IGFLR1: variants seen among roughly 807,000 people sequenced by gnomAD.
The protein encoded by IGFLR1 is IGF like family receptor 1.
In IGFLR1, 17 loss-of-function variants were observed where a neutral mutation model predicts 23.4. The ratio of observed to expected loss-of-function variants is 0.73; its 90% CI spans 0.50 to 1.09. The LOEUF (loss-of-function observed/expected upper bound fraction) is 1.09. Among genes scored for constraint, IGFLR1 ranks in the 50% least tolerant of loss-of-function variants. The pLI is 0.00. For missense variants in IGFLR1, 556 were observed against 459.2 expected, an observed-to-expected ratio of 1.21 and a Z score of -1.93; for synonymous variants, 265 against 210.7, an observed-to-expected ratio of 1.26 and a Z score of -2.23.
rs771727028 is a variant in IGFLR1, at chr19:35,739,466, G to A, written c.882C>T (p.Ala294=). 1 of 1,613,980 alleles carries A rather than the reference G, an allele frequency of 6.2e-7. No individual in the cohort carries two copies. Among genetic ancestry groups the A allele is most frequent in the Non-Finnish European group, 8.5e-7 (1 of 1,179,986 alleles). ...TCAGCGAATAGGCAAAGGTGGACCA[G>A]GCAGCAGGCAGCCCATATCTTGCGG... ...HLAARYGLPA[A]WSTFAYSLRP... The change falls in exon 5 of 5, where the codon GCC becomes GCT. Residue 294 remains alanine, a synonymous_variant. Transcript: ENST00000246532.
At position 35,739,397 on chromosome 19, in the gene IGFLR1, C is replaced by T. The variant is rs749681107; in HGVS notation, c.951G>A (p.Val317=). ...SPLRALIEMV[V]AREPSASLGQ... ...CCAGGGAGGCAGAGGGCTCCCTTGC[C>T]ACCACCATCTCAATCAGAGCCCGCA... The change falls in exon 5 of 5, where the codon GTG becomes GTA. Residue 317 remains valine (V), a synonymous_variant. Coordinates refer to ENST00000246532, the MANE Select transcript of IGFLR1 (RefSeq NM_024660.4). The T allele has an allele frequency of 6.2e-7, 1 of 1,613,580 alleles. No homozygotes were observed. The highest frequency in any genetic ancestry group is 8.5e-7 in the Non-Finnish European group (1 of 1,179,906).
rs1253807972 is a variant in IGFLR1 at position 35,739,741 on chromosome 19, C to T, written c.690G>A (p.Lys230=). 6.4e-7 allele frequency: 1 copy of T among 1,552,128 alleles called. No individual in the cohort carries two copies. The highest frequency in any genetic ancestry group is 8.7e-7 in the Non-Finnish European group (1 of 1,146,462). ...TCAGGAGTGGAAGTAGTGAGGCCTC[C>T]TTCCATGTGTCCCCTGTCTCCAGGG... ...PGALETGDTW[K]EASLLPLLSR... is the part of the protein sequence containing the mutation. Residue 230 remains lysine (K), a synonymous_variant, in exon 4 of 5, where the codon AAG becomes AAA. Coordinates refer to ENST00000246532, the MANE Select transcript of IGFLR1 (RefSeq NM_024660.4).
rs766837697 is a variant in IGFLR1 at position 35,740,433 on chromosome 19, C to T, written c.289G>A (p.Val97Met). Residue 97 changes from valine (V) to methionine (M), a missense_variant, in exon 3 of 5, where the codon GTG becomes ATG. Physicochemically the swap from Val to Met is conservative, Grantham distance 21. Transcript: ENST00000246532. ...CCGCCCGCGGCGGGAGTAGGGGTCA[C>T]GGCTCCGCCGCCGCAGGGGCTACAT... Reference protein sequence around the residue: ...ELCSPCGGGAVTPTPAAGGGR... With the variant: ...ELCSPCGGGAMTPTPAAGGGR... The T allele has an allele frequency of 1.9e-6, 3 of 1,611,212 alleles. No individual in the cohort carries two copies. In the African/African-American group the frequency reaches 4.0e-5, roughly 22 times the overall value.
In IGFLR1 at chr19:35,739,852, T is replaced by A. The variant is rs1003632561; in HGVS notation, c.579A>T (p.Lys193Asn). ...AGCCAGGATAGGGATAGGGGTCGGC[T>A]TTCTCCTTGGGCCAGCAGAGATGCC... is the stretch of plus-strand genomic sequence containing the variant. ...LLWHLCWPKE[K>N]ADPYPYPGLV... Residue 193 changes from lysine to asparagine, a missense_variant, in exon 4 of 5, where the codon AAA becomes AAT. Transcript: ENST00000246532. The A allele has an allele frequency of 1.9e-6, 3 of 1,612,794 alleles. No homozygotes were observed. The highest frequency in any genetic ancestry group is 2.5e-6 in the Non-Finnish European group (3 of 1,179,040).
rs1021922471 is a variant in IGFLR1 at position 35,739,575 on chromosome 19, T to G, written c.773A>C (p.Glu258Ala). 1 of 1,613,846 alleles carries G rather than the reference T, an allele frequency of 6.2e-7. No individual in the cohort carries two copies. Among genetic ancestry groups the G allele is most frequent in the Non-Finnish European group, 8.5e-7 (1 of 1,179,882 alleles). ...QPLSRLLDELEVLEELIVLLD... is the reference protein window; with the variant it reads ...QPLSRLLDELAVLEELIVLLD... ...CAGTACAATCAGCTCTTCCAGCACCTCCAGCTCATCCAGGAGGCGAGACAG... is the reference window on the plus strand; with the variant it reads ...CAGTACAATCAGCTCTTCCAGCACCGCCAGCTCATCCAGGAGGCGAGACAG... Residue 258 changes from glutamate to alanine, a missense_variant, in exon 5 of 5, where the codon GAG becomes GCG. Transcript: ENST00000246532.
Position 35,739,416 on chromosome 19 carries a change from G to A in IGFLR1, c.932C>T (p.Ala311Val), listed in dbSNP as rs1420911325. The change falls in exon 5 of 5, where the codon GCT becomes GTT. Residue 311 changes from alanine to valine, a missense_variant. Transcript: ENST00000246532. ...SLRPSRSPLR[A>V]LIEMVVAREP... ...CCTTGCCACCACCATCTCAATCAGA[G>A]CCCGCAGCGGCGAGCGACTCGGCCT... The A allele has an allele frequency of 1.2e-6, 2 of 1,613,782 alleles. No individual in the cohort carries two copies. Among genetic ancestry groups the A allele is most frequent in the Admixed American group, 1.7e-5 (1 of 60,018 alleles).
chr19:35,739,594 G>A lies in IGFLR1; in HGVS notation c.754C>T (p.Arg252Cys), dbSNP rs774295280. ...AGCACCTCCAGCTCATCCAGGAGGCGAGACAGGGGTTGTGACGCCAGACTG... is the reference window on the plus strand; with the variant it reads ...AGCACCTCCAGCTCATCCAGGAGGCAAGACAGGGGTTGTGACGCCAGACTG... ...LSSLASQPLS[R>C]LLDELEVLEE... The change falls in exon 5 of 5, where the codon CGC becomes TGC. Residue 252 changes from arginine to cysteine, a missense_variant. Coordinates refer to ENST00000246532, the MANE Select transcript of IGFLR1 (RefSeq NM_024660.4). 3.1e-6 allele frequency: 5 copies of A among 1,613,536 alleles called. No individual in the cohort carries two copies. Among genetic ancestry groups the A allele is most frequent in the Admixed American group, 1.7e-5 (1 of 59,988 alleles).
intron 1 of IGFLR1, among the ~76,000 whole-genome samples, 184 bp downstream of exon 1, chr19:35,742,212 A>AG (rs1248674050): frequency 8.5e-5 from 13 of 152,064 alleles, no homozygotes; most frequent in African/African-American, 3.1e-4. Flanking sequence ...TTCGGCAGGC[A>AG]CGGAGGAGTC....
In IGFLR1 at chr19:35,740,083, C is replaced by G. The variant is rs1245584315; in HGVS notation, c.348G>C (p.Pro116=). ...GGGGGCAGTGCCCCTTGGCAGGGAC[C>G]GGCCTCTGGGGATAAGGGGTTGGAG... ...GRTPWRCRER[P]VPAKGHCPLT... Residue 116 remains proline (P), a synonymous_variant, in exon 4 of 5, where the codon CCG becomes CCC. Coordinates refer to ENST00000246532, the MANE Select transcript of IGFLR1 (RefSeq NM_024660.4). The G allele has an allele frequency of 1.9e-6, 3 of 1,610,704 alleles. No homozygotes were observed. Among genetic ancestry groups the G allele is most frequent in the Non-Finnish European group, 2.5e-6 (3 of 1,178,994 alleles).
At chr19:35,740,223 A>G in intron 3 of IGFLR1, 135 bp from the exon 4 acceptor site, 7 of 1,308,424 alleles carry the variant, frequency 5.3e-6, no homozygotes, top group Non-Finnish European at 7.1e-6. Context: ...TGGGCCCCGC[A>G]AGGCCCAACT....
At position 35,740,415 on chromosome 19, in the gene IGFLR1, C is replaced by T. The variant is rs767781047; in HGVS notation, c.307G>A (p.Ala103Thr). Residue 103 changes from alanine to threonine, a missense_variant, in exon 3 of 5, where the codon GCG becomes ACG. Transcript: ENST00000246532. ...CGCCACGGGGTTCTGCCCCCGCCCGCGGCGGGAGTAGGGGTCACGGCTCCG... is the reference window on the plus strand; with the variant it reads ...CGCCACGGGGTTCTGCCCCCGCCCGTGGCGGGAGTAGGGGTCACGGCTCCG... ...GGGAVTPTPA[A>T]GGGRTPWRCR... 6.2e-6 allele frequency: 10 copies of T among 1,606,830 alleles called. No homozygotes were observed. Among genetic ancestry groups the T allele is most frequent in the Non-Finnish European group, 8.5e-6 (10 of 1,177,254 alleles).
At chr19:35,741,979 C>A (rs753084355) in intron 1 of IGFLR1, among the ~76,000 whole-genome samples, 1 of 152,060 alleles carries the variant, frequency 6.6e-6, no homozygotes, top group South Asian at 2.1e-4. Flanking sequence ...GGCGTGGTAG[C>A]GCATGCCTGT....
At position 35,739,451 on chromosome 19, in the gene IGFLR1, G is replaced by A. The variant is rs543724475; in HGVS notation, c.897C>T (p.Ala299=). ...YGLPAAWSTF[A]YSLRPSRSPL... ...GCGAGCGACTCGGCCTCAGCGAATA[G>A]GCAAAGGTGGACCAGGCAGCAGGCA... The change falls in exon 5 of 5, where the codon GCC becomes GCT. Residue 299 remains alanine (A), a synonymous_variant. Transcript: ENST00000246532. 2.6e-5 allele frequency: 42 copies of A among 1,613,998 alleles called. 1 individual carries two copies. In the South Asian group the frequency reaches 4.5e-4, roughly 17 times the overall value.
intron 2 of IGFLR1, 135 bp from the exon 3 acceptor site, chr19:35,740,699 G>T (rs1021071280): frequency 1.3e-5 from 11 of 851,070 alleles, no homozygotes; most frequent in Non-Finnish European, 1.9e-5. Context: ...CCCCGGTCTT[G>T]TCACTTTTCT....
chr19:35,740,117 G>C (rs1477729748), intron 3 of IGFLR1, 29 bp from the exon 4 acceptor site: 2 of 1,585,448 alleles, frequency 1.3e-6, no homozygotes, highest in Non-Finnish European at 1.7e-6. Flanking sequence ...AGTAAAGCTG[G>C]AGGCCACACT....
rs780561530 is a variant in IGFLR1, at chr19:35,739,523, C to T, written c.825G>A (p.Gly275=). 4.0e-5 allele frequency: 65 copies of T among 1,613,968 alleles called. No individual in the cohort carries two copies. The highest frequency in any genetic ancestry group is 3.3e-4 in the Admixed American group (20 of 60,012). Residue 275 remains glycine, a synonymous_variant, in exon 5 of 5, where the codon GGG becomes GGA. Transcript: ENST00000246532. ...VLLDPEPGPG[G]GMAHGTTRHL... Reference sequence around the variant, plus strand: ...GTCGAGTAGTGCCATGGGCCATACCCCCACCTGGCCCAGGCTCAGGGTCCA... The same window carrying T: ...GTCGAGTAGTGCCATGGGCCATACCTCCACCTGGCCCAGGCTCAGGGTCCA...
In IGFLR1 at chr19:35,739,922, A is replaced by G. The variant is rs1291170542; in HGVS notation, c.509T>C (p.Leu170Pro). The G allele has an allele frequency of 1.9e-6, 3 of 1,614,094 alleles. No individual in the cohort carries two copies. Among genetic ancestry groups the G allele is most frequent in the Admixed American group, 1.7e-5 (1 of 60,022 alleles). Residue 170 changes from leucine to proline, a missense_variant, in exon 4 of 5, where the codon CTC (leucine) becomes CCC (proline). By Grantham distance (98) the Leu-to-Pro change is moderately conservative. Transcript: ENST00000246532. The stretch of plus-strand genomic sequence containing the variant: ...GATCGCTATCACCGCCAAGGTCAGG[A>G]GCAGGACCAGCACCACGAGCGGAAG... Reference protein sequence around the residue: ...NFLPLVVLVLLLTLAVIAILL... With the variant: ...NFLPLVVLVLPLTLAVIAILL...
chr19:35,740,440 G>A lies in IGFLR1; in HGVS notation c.282C>T (p.Gly94=). The part of the protein sequence containing the change: ...DGAELCSPCG[G]GAVTPTPAAG... ...CGGCGGGAGTAGGGGTCACGGCTCC[G>A]CCGCCGCAGGGGCTACATAGCTCCG... The change falls in exon 3 of 5, where the codon GGC becomes GGT. Residue 94 remains glycine (G), a synonymous_variant. Coordinates refer to ENST00000246532, the MANE Select transcript of IGFLR1 (RefSeq NM_024660.4). 1.2e-6 allele frequency: 2 copies of A among 1,611,552 alleles called. No homozygotes were observed. The highest frequency in any genetic ancestry group is 1.7e-6 in the Non-Finnish European group (2 of 1,179,122).
At chr19:35,741,519 C>T (rs2871921) in intron 1 of IGFLR1, 45,762 of 298,896 alleles carry the variant, frequency 0.15, 3,934 homozygotes, top group Middle Eastern at 0.26. Flanking sequence ...TTAGAACCGT[C>T]ATTAGAAGTA....
Sources: gnomAD v4.1 joint callset for allele counts (sites outside exome capture counted in the v4.1 genomes callset) on GRCh38, gnomAD v4.1.1 for gene constraint, MANE v1.5 for transcripts, NCBI Gene and HGNC (gene_info 2026-07-23, HGNC 2026-07-21) for gene names.